Variants in LUZP2 observed in about 807,000 individuals in gnomAD.
LUZP2 encodes leucine zipper protein 2.
In LUZP2, 52 loss-of-function variants were observed where a neutral mutation model predicts 51.6. The ratio of observed to expected loss-of-function variants is 1.01; its 90% CI spans 0.81 to 1.27. The LOEUF is 1.27. LUZP2 is among the 50% of genes most tolerant of loss of function. The pLI is 0.00. For missense variants in LUZP2, 436 were observed against 395.4 expected (o/e 1.10, Z -0.87); for synonymous variants, 154 against 137.3 (o/e 1.12, Z -0.85).
intron 1 of LUZP2, among the ~76,000 whole-genome samples, chr11:24,514,421 G>T (rs573880779): frequency 6.6e-6 from 1 of 152,264 alleles, no homozygotes; most frequent in East Asian, 1.9e-4. Context: ...CCACATCTCA[G>T]AGCAGCTGAG....
At chr11:24,594,100 T>TA (rs1853348027) in intron 1 of LUZP2, among the ~76,000 whole-genome samples, 2 of 152,332 alleles carry the variant, frequency 1.3e-5, no homozygotes, top group East Asian at 1.9e-4. Context: ...TTACTTGGAT[T>TA]AAAAAATACA....
At chr11:24,915,380 T>C (rs991643796) in intron 7 of LUZP2, among the ~76,000 whole-genome samples, 3 of 152,032 alleles carry the variant, frequency 2.0e-5, no homozygotes, top group African/African-American at 7.2e-5. Context: ...TGATGGTCGC[T>C]AAAGATATAC....
intron 5 of LUZP2, chr11:24,892,462 GA>G (rs1167868308): frequency 1.1e-6 from 1 of 873,100 alleles, no homozygotes; most frequent in Admixed American, 6.2e-5. Context: ...ATACCATCCA[GA>G]AAAAGTTAAA....
intron 10 of LUZP2, among the ~76,000 whole-genome samples, chr11:25,053,994 C>T (rs966007321): frequency 6.6e-6 from 1 of 152,100 alleles, no homozygotes; most frequent in Non-Finnish European, 1.5e-5. Flanking sequence ...TTAAACTAAG[C>T]CTCTTGGAGT....
intron 1 of LUZP2, among the ~76,000 whole-genome samples, chr11:24,633,579 T>C (rs1322050148): frequency 6.6e-6 from 1 of 152,148 alleles, no homozygotes; most frequent in East Asian, 1.9e-4. Context: ...TTCTTGAAGG[T>C]ATAAGCTCAA....
At chr11:25,066,951 G>C (rs1221892722) in intron 10 of LUZP2, among the ~76,000 whole-genome samples, 1 of 151,972 alleles carries the variant, frequency 6.6e-6, no homozygotes, top group Non-Finnish European at 1.5e-5. Flanking sequence ...CCTCTGAGTT[G>C]AGACATTGAA....
intron 1 of LUZP2, among the ~76,000 whole-genome samples, chr11:24,567,185 G>A (rs991554803): frequency 1.3e-5 from 2 of 150,282 alleles, no homozygotes; most frequent in Non-Finnish European, 3.0e-5. Context: ...TCGTTGAAAG[G>A]TACAATCACC....
intron 4 of LUZP2, among the ~76,000 whole-genome samples, chr11:24,742,587 G>A (rs1240191710): frequency 6.6e-6 from 1 of 151,940 alleles, no homozygotes; most frequent in Non-Finnish European, 1.5e-5. Context: ...GTAGATTCTG[G>A]ATATTAGTCC....
At chr11:24,988,234 G>A (rs912201937) in intron 9 of LUZP2, among the ~76,000 whole-genome samples, 2 of 151,962 alleles carry the variant, frequency 1.3e-5, no homozygotes, top group Non-Finnish European at 2.9e-5. Flanking sequence ...ATGCATGAGG[G>A]AGGTGAGATC....
At chr11:24,736,509 TTCCTTCCTTCCTTCTC>T (rs1858945519) in intron 3 of LUZP2, among the ~76,000 whole-genome samples, 1 of 83,196 alleles carries the variant, frequency 1.2e-5, no homozygotes, top group South Asian at 3.7e-4. Flanking sequence ...CCTTCCTTCC[TTCCTTCCTTCCTTCTC>T]AGTAGAGATA....
At chr11:25,007,405 C>T (rs1301818912) in intron 9 of LUZP2, among the ~76,000 whole-genome samples, 1 of 152,124 alleles carries the variant, frequency 6.6e-6, no homozygotes, top group African/African-American at 2.4e-5. Flanking sequence ...GAGTTCAAGA[C>T]CAGCCTGGCT....
At chr11:25,004,587 G>A (rs1256575825) in intron 9 of LUZP2, among the ~76,000 whole-genome samples, 4 of 152,126 alleles carry the variant, frequency 2.6e-5, no homozygotes, top group Non-Finnish European at 2.9e-5. Flanking sequence ...ATTGACCCTC[G>A]AGTGATTAGG....
chr11:24,680,285 C>T (rs761182027), intron 1 of LUZP2, among the ~76,000 whole-genome samples: 2 of 152,220 alleles, frequency 1.3e-5, no homozygotes, highest in African/African-American at 2.4e-5. Flanking sequence ...CCCAGCTTCC[C>T]TGTGCTGCTT....
rs182189402 is a variant in LUZP2, at chr11:24,512,222, G to T, written c.62+14917G>T. Among the ~76,000 whole-genome samples the T allele has an allele frequency of 3.9e-4, 60 of 152,026 alleles. 1 individual carries two copies. The East Asian group carries it at 0.011, about 27-fold the overall frequency. Reference sequence around the variant, plus strand: ...ATGTGGAATGTGGTGGTTGTCACAGGCTGAAAAAACAAATAGCGGTGGTGG... The same window carrying T: ...ATGTGGAATGTGGTGGTTGTCACAGTCTGAAAAAACAAATAGCGGTGGTGG... On this transcript the variant is annotated intron_variant, in intron 1 of 11. Coordinates refer to ENST00000336930, the MANE Select transcript of LUZP2 (RefSeq NM_001009909.4).
intron 5 of LUZP2, among the ~76,000 whole-genome samples, chr11:24,844,751 C>A (rs2134207547): frequency 6.6e-6 from 1 of 152,268 alleles, no homozygotes; most frequent in African/African-American, 2.4e-5. Context: ...CCAGTCATGG[C>A]TGAAAGAGGC....
chr11:24,645,079 G>A lies in LUZP2; in HGVS notation c.63-84090G>A, dbSNP rs755838165. On this transcript the variant is annotated intron_variant, in intron 1 of 11. Coordinates refer to ENST00000336930, the MANE Select transcript of LUZP2 (RefSeq NM_001009909.4). ...TATTTTACATTCCAATCCTGTTTAC[G>A]TAAAATATTAGTTATTGTGCAGCCT... 1.1e-4 allele frequency among the ~76,000 whole-genome samples: 16 copies of A among 152,092 alleles called. 1 individual carries two copies. The highest frequency in any genetic ancestry group is 1.4e-4 in the African/African-American group (6 of 41,486).
At chr11:24,673,585 C>A (rs931682440) in intron 1 of LUZP2, among the ~76,000 whole-genome samples, 1 of 152,026 alleles carries the variant, frequency 6.6e-6, no homozygotes, top group South Asian at 2.1e-4. Flanking sequence ...AATTGAGAAA[C>A]CCTGTCTTGA....
intron 7 of LUZP2, among the ~76,000 whole-genome samples, chr11:24,961,423 G>T (rs1855400960): frequency 6.6e-6 from 1 of 152,242 alleles, no homozygotes; most frequent in East Asian, 1.9e-4. Flanking sequence ...TTATGAATCT[G>T]GGTGCTCCTG....
intron 1 of LUZP2, among the ~76,000 whole-genome samples, chr11:24,708,848 A>G (rs1174166466): frequency 6.6e-6 from 1 of 152,212 alleles, no homozygotes; most frequent in East Asian, 1.9e-4. Context: ...CTGACAGAGA[A>G]TTAAAATTAA....
Sources: allele counts gnomAD v4.1 joint callset (sites outside exome capture counted in the v4.1 genomes callset), GRCh38; gene constraint gnomAD v4.1.1; transcripts MANE v1.5; gene names NCBI Gene and HGNC (gene_info 2026-07-23, HGNC 2026-07-21).